TBC1D30: variants seen among roughly 807,000 people sequenced by gnomAD.
The protein encoded by TBC1D30 is TBC1 domain family, member 30.
TBC1D30 carries 31 observed loss-of-function variants against 63.2 expected under a neutral mutation model. That is an observed-to-expected ratio of 0.49 (90% CI 0.37 to 0.66). The LOEUF (loss-of-function observed/expected upper bound fraction) is 0.66, where lower values mean the gene tolerates loss of function less well. Among genes scored for constraint, TBC1D30 ranks in the 30% least tolerant of loss-of-function variants. The pLI, the probability that TBC1D30 is intolerant of heterozygous loss-of-function variation, is 0.00. For synonymous variants in TBC1D30, 307 were observed against 361.5 expected, an observed-to-expected ratio of 0.85 and a Z score of 1.71; for missense variants, 810 against 953.6, an observed-to-expected ratio of 0.85 and a Z score of 1.98.
intron 8 of TBC1D30, among the ~76,000 whole-genome samples, chr12:64,852,139 C>T (rs1428369974): frequency 6.6e-6 from 1 of 152,206 alleles, no homozygotes; most frequent in African/African-American, 2.4e-5. Context: ...TTCTTCCCGT[C>T]ACTTTCAGGT....
upstream of TBC1D30, among the ~76,000 whole-genome samples, chr12:64,820,065 T>C (rs1873796831): frequency 6.6e-6 from 1 of 152,164 alleles, no homozygotes; most frequent in Admixed American, 6.5e-5. Flanking sequence ...GTGGTCTCTC[T>C]CTCCTCATAG....
chr12:64,843,089 A>G (rs1392942873), intron 7 of TBC1D30, among the ~76,000 whole-genome samples: 1 of 152,104 alleles, frequency 6.6e-6, no homozygotes, highest in Admixed American at 6.6e-5. Flanking sequence ...TTTACTGCAG[A>G]CTTAGCCTCC....
At chr12:64,822,001 T>C (rs918310265), upstream of TBC1D30, among the ~76,000 whole-genome samples, 3 of 152,220 alleles carry the variant, frequency 2.0e-5, no homozygotes, top group African/African-American at 7.2e-5. Flanking sequence ...TGCTTTACTT[T>C]TGCAGATGGC....
At chr12:64,773,282 T>G (rs947095967) in intron 1 of TBC1D30, among the ~76,000 whole-genome samples, 1 of 152,006 alleles carries the variant, frequency 6.6e-6, no homozygotes, top group Non-Finnish European at 1.5e-5. Context: ...ACCTCTCAAC[T>G]GGGGCCTCCA....
intron 1 of TBC1D30, among the ~76,000 whole-genome samples, chr12:64,760,469 A>G (rs987275452): frequency 4.6e-5 from 7 of 152,146 alleles, no homozygotes; most frequent in African/African-American, 1.4e-4. Flanking sequence ...AGGCTGAGGC[A>G]TGAGAATCGC....
At chr12:64,837,827 C>T (rs1052517812) in intron 6 of TBC1D30, among the ~76,000 whole-genome samples, 1 of 152,160 alleles carries the variant, frequency 6.6e-6, no homozygotes, top group African/African-American at 2.4e-5. Flanking sequence ...TAGTGAGCTA[C>T]ATGTTTTTAC....
At chr12:64,872,555 A>T (rs1246677706) in intron 11 of TBC1D30, among the ~76,000 whole-genome samples, 1 of 152,110 alleles carries the variant, frequency 6.6e-6, no homozygotes, top group Non-Finnish European at 1.5e-5. Context: ...GTGCATACAG[A>T]TCATTTGGGG....
chr12:64,843,523 C>G lies in TBC1D30; in HGVS notation c.1038+38C>G, dbSNP rs949015254. 7.4e-6 allele frequency: 11 copies of G among 1,495,762 alleles called. No individual in the cohort carries two copies. In the Admixed American group the frequency reaches 1.4e-4, roughly 19 times the overall value. 92.7% of individuals were successfully genotyped at this position (1,495,762 alleles called of 1,614,324 possible). On this transcript the variant is annotated intron_variant, in intron 8 of 11. Coordinates refer to ENST00000539867, the MANE Select transcript of TBC1D30 (RefSeq NM_015279.2). ...CATGGAGCAGCTTGGCTCGGGGAAC[C>G]CCGGGCACGGTGGGAACAACCAGTG...
upstream of TBC1D30, among the ~76,000 whole-genome samples, chr12:64,820,354 G>A (rs537131154): frequency 6.6e-6 from 1 of 152,280 alleles, no homozygotes; most frequent in South Asian, 2.1e-4. Flanking sequence ...TGAAGATGCA[G>A]GGTATGCCGA....
intron 2 of TBC1D30, among the ~76,000 whole-genome samples, chr12:64,805,484 C>G (rs1872807471): frequency 6.6e-6 from 1 of 152,156 alleles, no homozygotes; most frequent in Non-Finnish European, 1.5e-5. Context: ...GCACATCATC[C>G]TGTTTTTCTT....
At chr12:64,773,116 T>C (rs759437963) in intron 1 of TBC1D30, among the ~76,000 whole-genome samples, 48 of 152,234 alleles carry the variant, frequency 3.2e-4, no homozygotes, top group Non-Finnish European at 5.7e-4. Flanking sequence ...ATCTTTGCTG[T>C]TTGCAAAACT....
At chr12:64,867,872 T>C (rs565300924) in intron 10 of TBC1D30, 3 of 152,380 alleles carry the variant, frequency 2.0e-5, no homozygotes, top group Admixed American at 2.0e-4. Context: ...CTAATAGTTC[T>C]TCTCTTTGCT....
At chr12:64,793,556 A>G (rs1216804359) in intron 2 of TBC1D30, among the ~76,000 whole-genome samples, 1 of 151,554 alleles carries the variant, frequency 6.6e-6, no homozygotes, top group Non-Finnish European at 1.5e-5. Flanking sequence ...GCTACTCTGG[A>G]GGCTGAGGCA....
intron 2 of TBC1D30, among the ~76,000 whole-genome samples, chr12:64,815,344 T>C (rs1453094940): frequency 6.6e-6 from 1 of 152,174 alleles, no homozygotes; most frequent in Non-Finnish European, 1.5e-5. Context: ...ATAAGTTTCA[T>C]TTTAAGAAAT....
rs17100670 is a variant in TBC1D30 at position 64,799,479 on chromosome 12, C to T, written c.643+13434C>T. On this transcript the variant is annotated intron_variant, in intron 2 of 12. Coordinates refer to the TBC1D30 transcript ENST00000542120. ...TTGCCATCAGCATTTGCATCCTAGC[C>T]TGTGTAAGGCAATTATGAAGGTTGC... Among the ~76,000 whole-genome samples the T allele has an allele frequency of 9.1e-3, 1,384 of 152,294 alleles. 11 individuals carry two copies. Among genetic ancestry groups the T allele is most frequent in the African/African-American group, 0.032 (1,318 of 41,550 alleles).
At chr12:64,806,747 T>A (rs1872896362) in intron 2 of TBC1D30, among the ~76,000 whole-genome samples, 1 of 152,084 alleles carries the variant, frequency 6.6e-6, no homozygotes, top group Admixed American at 6.5e-5. Context: ...GCAGCATGAG[T>A]CACAATAGCC....
chr12:64,804,260 A>C (rs1872740074), intron 2 of TBC1D30, among the ~76,000 whole-genome samples: 1 of 152,136 alleles, frequency 6.6e-6, no homozygotes, highest in South Asian at 2.1e-4. Flanking sequence ...AGCAATTGTG[A>C]ATGGGAGTTC....
At chr12:64,861,100 G>A (rs1015457626) in intron 8 of TBC1D30, among the ~76,000 whole-genome samples, 7 of 152,238 alleles carry the variant, frequency 4.6e-5, no homozygotes, top group African/African-American at 1.7e-4. Flanking sequence ...GAGAACTGTA[G>A]GCTGTGGATT....
At chr12:64,871,802 G>A (rs1033303200) in intron 11 of TBC1D30, among the ~76,000 whole-genome samples, 11 of 152,188 alleles carry the variant, frequency 7.2e-5, no homozygotes. Context: ...CAATTGTCCA[G>A]GGTTATATAG....
Sources: gnomAD v4.1 joint callset for allele counts (sites outside exome capture counted in the v4.1 genomes callset) on GRCh38, gnomAD v4.1.1 for gene constraint, MANE v1.5 for transcripts, NCBI Gene and HGNC (gene_info 2026-07-23, HGNC 2026-07-21) for gene names.